WDR27: variants seen among roughly 807,000 people sequenced by gnomAD.
The protein encoded by WDR27 is WD repeat-containing protein 27.
WDR27 carries 100 observed loss-of-function variants against 114.4 expected under a neutral mutation model. The ratio of observed to expected loss-of-function variants is 0.87; its 90% CI spans 0.74 to 1.03. The LOEUF (loss-of-function observed/expected upper bound fraction) is 1.03. Among genes scored for constraint, WDR27 ranks in the 50% least tolerant of loss-of-function variants. The pLI is 0.00. For missense variants in WDR27, 1,129 were observed against 1,092.9 expected (o/e 1.03, Z -0.47); for synonymous variants, 449 against 423.1 (o/e 1.06, Z -0.75).
chr6:169,529,332 T>C (rs1337734386), intron 25 of WDR27, among the ~76,000 whole-genome samples: 1 of 141,922 alleles, frequency 7.0e-6, no homozygotes, highest in Non-Finnish European at 1.5e-5. Flanking sequence ...GGGCAGCTAA[T>C]GCTAATAAGC....
intron 25 of WDR27, among the ~76,000 whole-genome samples, chr6:169,481,532 G>A (rs565689462): frequency 7.9e-5 from 12 of 152,310 alleles, no homozygotes; most frequent in African/African-American, 2.4e-4. Flanking sequence ...GGTTCGTGGC[G>A]CCTTTATGAG....
At chr6:169,553,755 A>C (rs1217063437) in intron 25 of WDR27, among the ~76,000 whole-genome samples, 1 of 152,218 alleles carries the variant, frequency 6.6e-6, no homozygotes, top group African/African-American at 2.4e-5. Context: ...CTTCTCCCAG[A>C]ACAAACTGAA....
At chr6:169,611,929 G>A (rs1810631417) in intron 22 of WDR27, among the ~76,000 whole-genome samples, 1 of 151,998 alleles carries the variant, frequency 6.6e-6, no homozygotes, top group African/African-American at 2.4e-5. Context: ...GAGGTCAGGA[G>A]TTCGAGACCA....
chr6:169,603,981 A>AG (rs1808597480), intron 22 of WDR27, among the ~76,000 whole-genome samples: 1 of 152,184 alleles, frequency 6.6e-6, no homozygotes, highest in Non-Finnish European at 1.5e-5. Context: ...GAAAGTTTAT[A>AG]CCATCAAATG....
chr6:169,689,873 A>AC (rs545076020), intron 1 of WDR27, among the ~76,000 whole-genome samples: 405 of 152,346 alleles, frequency 2.7e-3, no homozygotes, highest in African/African-American at 9.1e-3. Context: ...TGAGGCCCTC[A>AC]CACTGGTCAC....
intron 25 of WDR27, among the ~76,000 whole-genome samples, chr6:169,467,466 G>A (rs1785742557): frequency 6.6e-6 from 1 of 152,224 alleles, no homozygotes; most frequent in Admixed American, 6.5e-5. Context: ...TGAAATAAAG[G>A]TGGAGGCTCC....
intron 14 of WDR27, among the ~76,000 whole-genome samples, chr6:169,650,885 G>A (rs1822250707): frequency 6.6e-6 from 1 of 152,046 alleles, no homozygotes; most frequent in East Asian, 1.9e-4. Context: ...CTCCAAAAGT[G>A]CCTTATGAGA....
chr6:169,526,486 G>A (rs1051307221), intron 25 of WDR27, among the ~76,000 whole-genome samples: 7 of 151,998 alleles, frequency 4.6e-5, no homozygotes, highest in South Asian at 2.1e-4. Flanking sequence ...GGTGGTGGGC[G>A]CCCATAGTCC....
intron 25 of WDR27, among the ~76,000 whole-genome samples, chr6:169,560,331 C>T (rs116292458): frequency 0.016 from 2,470 of 152,268 alleles, 63 homozygotes; most frequent in African/African-American, 0.057. Context: ...CATATGGAAC[C>T]GCAAGTCAAA....
At chr6:169,694,076 G>A (rs535290362) in intron 1 of WDR27, among the ~76,000 whole-genome samples, 43 of 152,260 alleles carry the variant, frequency 2.8e-4, no homozygotes, top group Non-Finnish European at 4.3e-4. Flanking sequence ...TTGGGAGGCC[G>A]AGGTGGGCAG....
At chr6:169,610,582 C>G (rs892678767) in intron 22 of WDR27, among the ~76,000 whole-genome samples, 2 of 152,166 alleles carry the variant, frequency 1.3e-5, no homozygotes, top group African/African-American at 4.8e-5. Context: ...GGGTCCCTCC[C>G]ACAACACATG....
chr6:169,468,649 G>C (rs1415319691), intron 25 of WDR27, among the ~76,000 whole-genome samples: 1 of 152,210 alleles, frequency 6.6e-6, no homozygotes, highest in African/African-American at 2.4e-5. Context: ...AATCATATCA[G>C]CTGTCCACCA....
intron 1 of WDR27, among the ~76,000 whole-genome samples, chr6:169,693,744 A>T (rs545956981): frequency 6.6e-6 from 1 of 152,198 alleles, no homozygotes; most frequent in Admixed American, 6.5e-5. Context: ...AAAAAAGACA[A>T]AGAGGGACAT....
chr6:169,651,178 C>CGGGGGGGGG (rs200606067), intron 14 of WDR27, among the ~76,000 whole-genome samples: 5 of 3,400 alleles, frequency 1.5e-3, no homozygotes, highest in African/African-American at 2.1e-3. Context: ...CACAGCAGTG[C>CGGGGGGGGG]GGGGCGGGGG....
chr6:169,634,695 GA>G (rs931621804), intron 19 of WDR27, among the ~76,000 whole-genome samples, 170 bp from the exon 20 acceptor site: 31 of 151,668 alleles, frequency 2.0e-4, no homozygotes, highest in African/African-American at 7.3e-4. Flanking sequence ...TTTTCTTTAG[GA>G]AAAAAAACCT....
Position 169,464,813 on chromosome 6 carries a change from C to T in WDR27, c.2646-7179G>A, listed in dbSNP as rs146748422. ...TTCCTCCAAAGAAGATATACAAATG[C>T]GCAAGAAGCACATGAAAAGATGCTC... On this transcript the variant is annotated intron_variant, in intron 25 of 25. Transcript: ENST00000448612. Among the ~76,000 whole-genome samples the T allele has an allele frequency of 9.1e-3, 1,393 of 152,318 alleles. 12 individuals carry two copies. Among genetic ancestry groups the T allele is most frequent in the African/African-American group, 0.031 (1,270 of 41,572 alleles).
chr6:169,465,207 G>C (rs560881216), intron 25 of WDR27, among the ~76,000 whole-genome samples: 1 of 146,694 alleles, frequency 6.8e-6, no homozygotes, highest in Non-Finnish European at 1.5e-5. Flanking sequence ...GTGGTGAGCC[G>C]AGATTGCACC....
intron 25 of WDR27, among the ~76,000 whole-genome samples, chr6:169,477,378 T>C (rs1407758067): frequency 6.6e-6 from 1 of 152,240 alleles, no homozygotes. Flanking sequence ...TATATCCCTC[T>C]GGCGGGAAGG....
intron 22 of WDR27, among the ~76,000 whole-genome samples, chr6:169,602,630 A>G (rs927316795): frequency 4.6e-5 from 7 of 152,146 alleles, no homozygotes; most frequent in African/African-American, 1.4e-4. Flanking sequence ...CAAACTTAAC[A>G]AATCTTCTAA....
Sources: allele counts gnomAD v4.1 joint callset (sites outside exome capture counted in the v4.1 genomes callset), GRCh38; gene constraint gnomAD v4.1.1; transcripts MANE v1.5; gene names NCBI Gene and HGNC (gene_info 2026-07-23, HGNC 2026-07-21).